Variants in RNF24 observed in about 807,000 individuals in gnomAD.
RNF24 encodes ring finger protein 24.
A neutral mutation model predicts 20.0 loss-of-function variants in RNF24; 14 were observed. That is an observed-to-expected ratio of 0.70 (90% CI 0.46 to 1.10). The LOEUF (loss-of-function observed/expected upper bound fraction) is 1.10. RNF24 is among the 50% of genes least tolerant of loss of function. RNF24 has a pLI of 0.00. For missense variants in RNF24, 124 were observed against 177.6 expected (o/e 0.70, Z 1.71); for synonymous variants, 45 against 61.1 (o/e 0.74, Z 1.23).
At chr20:3,937,715 T>C (rs1568613894) in intron 4 of RNF24, among the ~76,000 whole-genome samples, 1 of 152,210 alleles carries the variant, frequency 6.6e-6, no homozygotes, top group Non-Finnish European at 1.5e-5. Context: ...CAATATGTAA[T>C]ATTTCATGTT....
intron 1 of RNF24, among the ~76,000 whole-genome samples, chr20:4,000,129 T>G (rs1248466025): frequency 6.6e-6 from 1 of 152,176 alleles, no homozygotes; most frequent in Non-Finnish European, 1.5e-5. Context: ...TAAAAGCCAC[T>G]GAATTGTACA....
At chr20:3,935,945 T>C (rs909885) in intron 4 of RNF24, among the ~76,000 whole-genome samples, 94,879 of 151,942 alleles carry the variant, frequency 0.62, 30,132 homozygotes, top group Non-Finnish European at 0.69. Context: ...TGAACTCCTT[T>C]CTCCCTACTT....
intron 1 of RNF24, among the ~76,000 whole-genome samples, chr20:3,982,570 C>A (rs1435052880): frequency 8.3e-6 from 1 of 121,092 alleles, no homozygotes; most frequent in African/African-American, 2.9e-5. Flanking sequence ...CAGGGTGAGA[C>A]TCTGTCTCAA....
In RNF24 at chr20:3,934,057, G is replaced by A. The variant is rs776234851; in HGVS notation, c.*6C>T. ...TGTCCAGCAACAGTCTGATCCTTGCGGTAAGCTATACAATGTTCTCTGCCC... is the reference window on the plus strand; with the variant it reads ...TGTCCAGCAACAGTCTGATCCTTGCAGTAAGCTATACAATGTTCTCTGCCC... On this transcript the variant is annotated 3_prime_UTR_variant, in exon 6 of 6. Transcript: ENST00000358395. This position sits in a 1 kb window ranked among gnomAD's most constrained non-coding sequence, Gnocchi z 4.0. 4 of 1,454,260 alleles carry A rather than the reference G, an allele frequency of 2.8e-6. No homozygotes were observed. In the East Asian group the frequency reaches 1.1e-4, roughly 39 times the overall value. The allele number at this position is 1,454,260 out of a possible 1,614,324, so 90.1% of individuals were successfully genotyped here.
At chr20:4,007,175 T>C (rs1799352282) in intron 1 of RNF24, among the ~76,000 whole-genome samples, 1 of 152,250 alleles carries the variant, frequency 6.6e-6, no homozygotes. Context: ...TTTTAAAATC[T>C]AAAATATTCC....
At chr20:3,946,052 T>A (rs1423835898) in intron 3 of RNF24, among the ~76,000 whole-genome samples, 1 of 152,208 alleles carries the variant, frequency 6.6e-6, no homozygotes, top group Non-Finnish European at 1.5e-5. Context: ...ATTTTAAAGA[T>A]CAAATTTACT....
At chr20:3,992,879 T>C (rs571027468) in intron 1 of RNF24, among the ~76,000 whole-genome samples, 104 of 152,340 alleles carry the variant, frequency 6.8e-4, no homozygotes, top group African/African-American at 2.4e-3. Flanking sequence ...AGTGTTCAGC[T>C]TACTACTTTG....
rs1260800780 is a variant in RNF24 at position 3,933,241 on chromosome 20, G to A, written c.*822C>T. ...TGGAGCCACTCGAGAGGTTCACAGT[G>A]GCTCCCTTCTGAGGCAGTGGCAGTG... On this transcript the variant is annotated 3_prime_UTR_variant, in exon 6 of 6. Coordinates refer to ENST00000358395, the MANE Select transcript of RNF24 (RefSeq NM_001134337.3). The A allele has an allele frequency of 1.8e-5, 7 of 398,220 alleles. No homozygotes were observed. The East Asian group carries it at 2.5e-4, about 14-fold the overall frequency. The allele number at this position is 398,220 out of a possible 1,614,324, so 24.7% of individuals were successfully genotyped here.
chr20:3,956,685 GT>G (rs1444450478), intron 2 of RNF24, among the ~76,000 whole-genome samples: 1 of 151,698 alleles, frequency 6.6e-6, no homozygotes, highest in Non-Finnish European at 1.5e-5. Context: ...CCATGAAAAC[GT>G]TGCTCATTGG....
At chr20:3,970,196 G>GT (rs1330089612) in intron 1 of RNF24, among the ~76,000 whole-genome samples, 1 of 152,118 alleles carries the variant, frequency 6.6e-6, no homozygotes, top group Non-Finnish European at 1.5e-5. Context: ...AGCCAAAGAG[G>GT]TATCAGTGAA....
intron 1 of RNF24, among the ~76,000 whole-genome samples, chr20:4,008,457 A>G (rs1470173940): frequency 3.5e-5 from 4 of 113,308 alleles, no homozygotes; most frequent in Non-Finnish European, 6.8e-5. Context: ...TATATAATAT[A>G]TAATATATAA....
At chr20:3,971,653 T>C (rs2326289) in intron 1 of RNF24, among the ~76,000 whole-genome samples, 17,693 of 152,174 alleles carry the variant, frequency 0.12, 1,381 homozygotes, top group Non-Finnish European at 0.17. Context: ...AGTATACTAG[T>C]AGACTGCATA....
At chr20:3,986,033 G>A (rs1033338103) in intron 1 of RNF24, among the ~76,000 whole-genome samples, 1 of 152,124 alleles carries the variant, frequency 6.6e-6, no homozygotes, top group East Asian at 1.9e-4. Context: ...GATTACAAGC[G>A]TGAGCCACCA....
chr20:3,976,849 AT>A (rs1434201689), intron 1 of RNF24, among the ~76,000 whole-genome samples: 1 of 152,248 alleles, frequency 6.6e-6, no homozygotes. Context: ...AACCTTCTGT[AT>A]GTTGACTGTA....
chr20:3,999,959 T>G (rs1568664708), intron 1 of RNF24, among the ~76,000 whole-genome samples: 2 of 152,006 alleles, frequency 1.3e-5, no homozygotes, highest in African/African-American at 2.4e-5. Flanking sequence ...TAAGCAAATC[T>G]ATAGAAATAG....
chr20:3,951,113 G>A (rs2091076424), intron 2 of RNF24, among the ~76,000 whole-genome samples: 3 of 152,242 alleles, frequency 2.0e-5, no homozygotes, highest in Admixed American at 2.0e-4. Flanking sequence ...CCACTAACAT[G>A]CCCGGCTAAT....
intron 1 of RNF24, among the ~76,000 whole-genome samples, chr20:4,004,065 T>C (rs938220682): frequency 3.3e-5 from 5 of 152,212 alleles, no homozygotes; most frequent in African/African-American, 1.2e-4. Context: ...CATTCTCCAC[T>C]ATTTCTCTAA....
chr20:3,963,862 G>A lies in RNF24; in HGVS notation c.143+13C>T. The A allele has an allele frequency of 6.4e-7, 1 of 1,550,892 alleles. No homozygotes were observed. The highest frequency in any genetic ancestry group is 1.4e-5 in the African/African-American group (1 of 72,832). Reference sequence around the variant, plus strand: ...AACATATTTTGAAGTAACATAGAATGAAAATTGGTTACCTAATCAAGTAGC... The same window carrying A: ...AACATATTTTGAAGTAACATAGAATAAAAATTGGTTACCTAATCAAGTAGC... On this transcript the variant is annotated intron_variant, in intron 2 of 5. Transcript: ENST00000358395.
intron 1 of RNF24, among the ~76,000 whole-genome samples, chr20:3,987,602 A>G (rs1375057695): frequency 6.6e-6 from 1 of 152,224 alleles, no homozygotes; most frequent in Non-Finnish European, 1.5e-5. Context: ...TCCTGGTTCT[A>G]TTAGGTCAGC....
Sources: allele counts gnomAD v4.1 joint callset (sites outside exome capture counted in the v4.1 genomes callset), GRCh38; gene constraint gnomAD v4.1.1; non-coding constraint Gnocchi (gnomAD v3.1); transcripts MANE v1.5; gene names NCBI Gene and HGNC (gene_info 2026-07-23, HGNC 2026-07-21).